Variants in LAMB1 observed in about 807,000 individuals in gnomAD.
LAMB1 encodes laminin subunit beta-1.
LAMB1 carries 121 observed loss-of-function variants against 222.3 expected under a neutral mutation model. That is an observed-to-expected ratio of 0.54 (90% CI 0.47 to 0.63). The LOEUF (loss-of-function observed/expected upper bound fraction) is 0.63. Ranked by LOEUF, LAMB1 falls within the 30% of genes least tolerant of loss-of-function variation. The pLI, the probability that LAMB1 is intolerant of heterozygous loss-of-function variation, is 0.00. For synonymous variants in LAMB1, 794 were observed against 807.2 expected (o/e 0.98, Z 0.28); for missense variants, 2,172 against 2,240.8 (o/e 0.97, Z 0.62).
chr7:107,969,514 T>G (rs1196758767), intron 13 of LAMB1, among the ~76,000 whole-genome samples: 1 of 152,190 alleles, frequency 6.6e-6, no homozygotes, highest in Non-Finnish European at 1.5e-5. Context: ...CACCCCCAAC[T>G]AGGACACTTT....
At position 107,961,584 on chromosome 7, in the gene LAMB1, A is replaced by G; in HGVS notation, c.1950T>C (p.Asp650=). ...SSRCGNTIPD[D]DNQVVSLSPG... ...GTGATAATGACACCACCTGGTTGTC[A>G]TCATCGGGGATGGTATTACCACATC... The change falls in exon 16 of 34, where the codon GAT becomes GAC. Residue 650 remains aspartate, a synonymous_variant. Transcript: ENST00000222399. The G allele has an allele frequency of 6.2e-7, 1 of 1,614,130 alleles. No homozygotes were observed.
At chr7:107,991,883 G>A (rs1284777640) in intron 5 of LAMB1, among the ~76,000 whole-genome samples, 1 of 147,602 alleles carries the variant, frequency 6.8e-6, no homozygotes, top group Non-Finnish European at 1.5e-5. Flanking sequence ...ACTCCAGCCT[G>A]GGAGAGAGCG....
chr7:107,950,391 G>A (rs2033215900), intron 24 of LAMB1, among the ~76,000 whole-genome samples: 1 of 152,140 alleles, frequency 6.6e-6, no homozygotes, highest in South Asian at 2.1e-4. Flanking sequence ...TAAAAACAGA[G>A]TTGCAACAGC....
At chr7:107,999,595 A>G (rs1394396946) in intron 3 of LAMB1, among the ~76,000 whole-genome samples, 2 of 152,178 alleles carry the variant, frequency 1.3e-5, no homozygotes, top group African/African-American at 4.8e-5. Flanking sequence ...ACCCAAAGCC[A>G]GGGATGCATT....
intron 24 of LAMB1, among the ~76,000 whole-genome samples, chr7:107,948,993 G>A (rs2033185558): frequency 6.6e-6 from 1 of 152,186 alleles, no homozygotes. Context: ...AGGTTTCCTT[G>A]CAGAATACTT....
intron 31 of LAMB1, among the ~76,000 whole-genome samples, chr7:107,927,956 A>G (rs1002583412): frequency 1.1e-4 from 17 of 152,232 alleles, no homozygotes; most frequent in Admixed American, 5.9e-4. Context: ...AAGGCTGACA[A>G]TGCTGGGTAT....
intron 9 of LAMB1, among the ~76,000 whole-genome samples, chr7:107,976,246 C>G (rs901612032): frequency 6.6e-6 from 1 of 152,168 alleles, no homozygotes; most frequent in African/African-American, 2.4e-5. Context: ...TGGAAGAACA[C>G]TGTAGCGAGG....
At chr7:107,946,472 T>C (rs2033117860) in intron 24 of LAMB1, among the ~76,000 whole-genome samples, 1 of 152,260 alleles carries the variant, frequency 6.6e-6, no homozygotes, top group Non-Finnish European at 1.5e-5. Context: ...ATTCTGTCTC[T>C]GTTATGATGA....
At chr7:107,966,131 G>A (rs576690857) in intron 13 of LAMB1, among the ~76,000 whole-genome samples, 28 of 151,992 alleles carry the variant, frequency 1.8e-4, no homozygotes, top group Non-Finnish European at 2.4e-4. Context: ...AATCCTAAAC[G>A]ACCCTGCCGC....
At chr7:107,967,938 C>T (rs2033666828) in intron 13 of LAMB1, among the ~76,000 whole-genome samples, 1 of 151,966 alleles carries the variant, frequency 6.6e-6, no homozygotes, top group Non-Finnish European at 1.5e-5. Context: ...CTGAGGGAGG[C>T]GTCATGAAAG....
At chr7:107,936,126 CTT>C (rs2032841020) in intron 26 of LAMB1, among the ~76,000 whole-genome samples, 1 of 152,176 alleles carries the variant, frequency 6.6e-6, no homozygotes, top group African/African-American at 2.4e-5. Context: ...TGTGTACAGA[CTT>C]TTTTCTTGCC....
At chr7:107,999,073 G>C (rs2034332617) in intron 3 of LAMB1, among the ~76,000 whole-genome samples, 1 of 152,236 alleles carries the variant, frequency 6.6e-6, no homozygotes, top group Admixed American at 6.5e-5. Context: ...GAATATCTGG[G>C]GAAGGGAGGA....
rs1050456457 is a variant in LAMB1, at chr7:107,960,433, A to G, written c.2314+12T>C. 1.9e-6 allele frequency: 3 copies of G among 1,608,844 alleles called. No homozygotes were observed. Among genetic ancestry groups the G allele is most frequent in the African/African-American group, 2.7e-5 (2 of 74,828 alleles). ...GAAACAGCAGCTGCTGCAGCTGCCC[A>G]GCAATACCTACCCAGGCCTGTCTGG... On this transcript the variant is annotated intron_variant, in intron 18 of 33. Coordinates refer to ENST00000222399, the MANE Select transcript of LAMB1 (RefSeq NM_002291.3).
intron 20 of LAMB1, among the ~76,000 whole-genome samples, chr7:107,958,528 T>C (rs900284856): frequency 2.6e-5 from 4 of 152,228 alleles, no homozygotes; most frequent in East Asian, 1.9e-4. Flanking sequence ...GGCGAATGGA[T>C]GTTGGAAGAG....
In LAMB1 at chr7:107,932,318, G is replaced by A; in HGVS notation, c.4248C>T (p.Cys1416=). Residue 1416 remains cysteine, a synonymous_variant, in exon 28 of 34, where the codon TGC becomes TGT. Transcript: ENST00000222399. ...ACTTCCTCTCTCCTTCGTCAGTTCTGCAGTTTGGCCCGCCACATTCAGTCT... is the reference window on the plus strand; with the variant it reads ...ACTTCCTCTCTCCTTCGTCAGTTCTACAGTTTGGCCCGCCACATTCAGTCT... ...CSETECGGPN[C]RTDEGERKCG... 6.2e-7 allele frequency: 1 copy of A among 1,614,194 alleles called. No homozygotes were observed. Among genetic ancestry groups the A allele is most frequent in the Non-Finnish European group, 8.5e-7 (1 of 1,180,028 alleles).
Position 107,924,156 on chromosome 7 carries a change from A to ATATT in LAMB1, c.5224+70_5225-70dup. ...ATGATGATCTCAAGACAAAGTGAAT[A>ATATT]TATTTTTCACTTTTAAATAAACTAT... On this transcript the variant is annotated intron_variant, in intron 33 of 33. Coordinates refer to ENST00000222399, the MANE Select transcript of LAMB1 (RefSeq NM_002291.3). 2.6e-6 allele frequency: 4 copies of ATATT among 1,534,636 alleles called. No individual in the cohort carries two copies. The East Asian group carries it at 6.8e-5, about 26-fold the overall frequency.
At chr7:107,977,934 A>G in intron 9 of LAMB1, 113 bp downstream of exon 9, 3 of 1,200,038 alleles carry the variant, frequency 2.5e-6, no homozygotes, top group Non-Finnish European at 3.6e-6. Context: ...GCTGGAAAAA[A>G]GACAGTAACT....
At chr7:107,988,069 T>C (rs1448648796) in intron 5 of LAMB1, among the ~76,000 whole-genome samples, 1 of 152,208 alleles carries the variant, frequency 6.6e-6, no homozygotes, top group Non-Finnish European at 1.5e-5. Context: ...ATGACGGTTT[T>C]AACCTGAGAA....
intron 26 of LAMB1, among the ~76,000 whole-genome samples, chr7:107,936,624 T>C (rs1237058349): frequency 6.6e-6 from 1 of 152,224 alleles, no homozygotes; most frequent in Non-Finnish European, 1.5e-5. Context: ...TTGGACAGTA[T>C]GATGTAACAT....
Sources: gnomAD v4.1 joint callset for allele counts (sites outside exome capture counted in the v4.1 genomes callset) on GRCh38, gnomAD v4.1.1 for gene constraint, MANE v1.5 for transcripts, NCBI Gene and HGNC (gene_info 2026-07-23, HGNC 2026-07-21) for gene names.